DLGAP2: variants seen among roughly 807,000 people sequenced by gnomAD.
The protein encoded by DLGAP2 is disks large-associated protein 2.
A neutral mutation model predicts 100.3 loss-of-function variants in DLGAP2; 26 were observed. That is an observed-to-expected ratio of 0.26 (90% CI 0.19 to 0.36). The LOEUF (loss-of-function observed/expected upper bound fraction) is 0.36. Ranked by LOEUF, DLGAP2 falls within the 10% of genes least tolerant of loss-of-function variation. DLGAP2 has a pLI of 1.00. For missense variants in DLGAP2, 1,858 were observed against 1,453.2 expected, an observed-to-expected ratio of 1.28 and a Z score of -4.53; for synonymous variants, 886 against 630.1, an observed-to-expected ratio of 1.41 and a Z score of -6.08.
chr8:1,545,564 T>C (rs757036673), intron 4 of DLGAP2, among the ~76,000 whole-genome samples: 6 of 152,164 alleles, frequency 3.9e-5, no homozygotes, highest in Non-Finnish European at 7.4e-5. Flanking sequence ...CAAAAAGAAA[T>C]TACCAGCCCC....
chr8:1,332,620 C>T (rs1236538338), intron 3 of DLGAP2, among the ~76,000 whole-genome samples: 2 of 152,208 alleles, frequency 1.3e-5, no homozygotes, highest in African/African-American at 4.8e-5. Context: ...CACTCACCCC[C>T]TCCAGGTCAC....
intron 2 of DLGAP2, among the ~76,000 whole-genome samples, chr8:1,056,230 G>A (rs1802879405): frequency 1.3e-5 from 2 of 152,168 alleles, no homozygotes; most frequent in Non-Finnish European, 2.9e-5. Context: ...GTGTTGTGTG[G>A]CATAGTTTTA....
intron 3 of DLGAP2, among the ~76,000 whole-genome samples, chr8:1,347,890 T>C (rs1381940765): frequency 6.7e-6 from 1 of 149,976 alleles, no homozygotes; most frequent in Non-Finnish European, 1.5e-5. Context: ...TGTGTGGAGG[T>C]TGAGTTCCCA....
At chr8:1,441,904 A>G (rs1797845306) in intron 3 of DLGAP2, among the ~76,000 whole-genome samples, 2 of 151,942 alleles carry the variant, frequency 1.3e-5, no homozygotes, top group East Asian at 1.9e-4. Flanking sequence ...TGTGGTCCAT[A>G]TACACTATGG....
At chr8:1,247,468 T>G (rs1798937568) in intron 2 of DLGAP2, among the ~76,000 whole-genome samples, 4 of 104,594 alleles carry the variant, frequency 3.8e-5, no homozygotes, top group African/African-American at 4.7e-5. Context: ...AGTGTGGGAG[T>G]GATGGTCCAT....
intron 2 of DLGAP2, among the ~76,000 whole-genome samples, chr8:1,245,723 G>T (rs1798888648): frequency 1.3e-5 from 2 of 152,210 alleles, no homozygotes; most frequent in Admixed American, 1.3e-4. Context: ...GAATCATATG[G>T]TGTGTGAATG....
chr8:1,440,806 G>T (rs1421121784), intron 3 of DLGAP2, among the ~76,000 whole-genome samples: 1 of 152,172 alleles, frequency 6.6e-6, no homozygotes, highest in Non-Finnish European at 1.5e-5. Context: ...AGCTTATGAG[G>T]ACAAATGGCT....
intron 3 of DLGAP2, among the ~76,000 whole-genome samples, chr8:1,412,467 A>C (rs6985688): frequency 0.29 from 43,649 of 152,166 alleles, 6,592 homozygotes; most frequent in African/African-American, 0.37. Context: ...TCACGAATTC[A>C]GTGCTGAAAT....
At chr8:1,457,307 A>G (rs1798343146) in intron 3 of DLGAP2, among the ~76,000 whole-genome samples, 2 of 152,036 alleles carry the variant, frequency 1.3e-5, no homozygotes, top group African/African-American at 4.8e-5. Context: ...AACCACAGAA[A>G]TGGTTGCAGA....
At chr8:1,516,680 A>AGAGTGAGTGACTGAGTGAAT (rs1800403540) in intron 4 of DLGAP2, among the ~76,000 whole-genome samples, 1 of 146,568 alleles carries the variant, frequency 6.8e-6, no homozygotes, top group Non-Finnish European at 1.5e-5. Flanking sequence ...ACTGAGTGAA[A>AGAGTGAGTGACTGAGTGAAT]GAGTGAGTGA....
At chr8:1,180,942 T>C (rs1291294113) in intron 2 of DLGAP2, among the ~76,000 whole-genome samples, 3 of 121,572 alleles carry the variant, frequency 2.5e-5, no homozygotes, top group Non-Finnish European at 5.1e-5. Context: ...ACACTTACTG[T>C]CGAGTGTGGG....
chr8:932,927 G>C (rs531635320), intron 2 of DLGAP2, among the ~76,000 whole-genome samples: 2 of 152,210 alleles, frequency 1.3e-5, no homozygotes, highest in South Asian at 2.1e-4. Context: ...CTTTCCCCTC[G>C]ATCTTTCTGT....
chr8:1,560,411 T>C (rs1244786207), intron 5 of DLGAP2, among the ~76,000 whole-genome samples: 1 of 152,152 alleles, frequency 6.6e-6, no homozygotes, highest in East Asian at 1.9e-4. Flanking sequence ...ATAGTATTTT[T>C]GGTAGCTGGG....
At chr8:1,228,196 G>A (rs1241416008) in intron 2 of DLGAP2, among the ~76,000 whole-genome samples, 1 of 151,840 alleles carries the variant, frequency 6.6e-6, no homozygotes, top group Non-Finnish European at 1.5e-5. Flanking sequence ...CCTGCACGTT[G>A]TGCACATGTA....
At chr8:1,223,366 A>G (rs1435590014) in intron 2 of DLGAP2, among the ~76,000 whole-genome samples, 1 of 152,198 alleles carries the variant, frequency 6.6e-6, no homozygotes, top group Non-Finnish European at 1.5e-5. Flanking sequence ...GGAGCCAGCC[A>G]TCTTGGCTCT....
chr8:1,247,135 G>A (rs62489173), intron 2 of DLGAP2: 23 of 131,922 alleles, frequency 1.7e-4, no homozygotes, highest in Middle Eastern at 3.3e-3. Context: ...GATGGCCCAC[G>A]TCGGTGGCCG....
chr8:1,678,519 G>A lies in DLGAP2; in HGVS notation c.2594G>A (p.Arg865His), dbSNP rs762572308. 42 of 1,606,600 alleles carry A rather than the reference G, an allele frequency of 2.6e-5. 1 individual carries two copies. Among genetic ancestry groups the A allele is most frequent in the South Asian group, 2.4e-4 (22 of 89,856 alleles). ...GAGACTGGGAGGATGTCTCCGTGCC[G>A]CAGGGATGGCTCGTGGTTTTTGAAG... Reference protein sequence around the residue: ...TVETGRMSPCRRDGSWFLKLL... With the variant: ...TVETGRMSPCHRDGSWFLKLL... Residue 865 changes from arginine (R) to histidine (H), a missense_variant, in exon 12 of 15, where the codon CGC (arginine) becomes CAC (histidine). Arg to His is a conservative substitution (Grantham distance 29, BLOSUM62 0). Transcript: ENST00000637795.
Position 1,708,034 on chromosome 8 carries a change from T to A in DLGAP2, c.*6628T>A, listed in dbSNP as rs1666558898. 1 of 152,632 alleles carries A rather than the reference T, an allele frequency of 6.6e-6. No homozygotes were observed. The highest frequency in any genetic ancestry group is 1.5e-5 in the Non-Finnish European group (1 of 68,044). The allele number at this position is 152,632 out of a possible 1,614,324, so 9.5% of individuals were successfully genotyped here. On this transcript the variant is annotated 3_prime_UTR_variant, in exon 15 of 15. Coordinates refer to ENST00000637795, the MANE Select transcript of DLGAP2 (RefSeq NM_001346810.2). Reference sequence around the variant, plus strand: ...AATAACTTACCAGAATGTTGGTCATTCCTTTAAGGCAGTTAAGGATTGCTT... The same window carrying A: ...AATAACTTACCAGAATGTTGGTCATACCTTTAAGGCAGTTAAGGATTGCTT...
intron 2 of DLGAP2, among the ~76,000 whole-genome samples, chr8:1,163,859 C>T (rs1264463917): frequency 2.0e-5 from 3 of 152,160 alleles, no homozygotes; most frequent in Admixed American, 6.5e-5. Flanking sequence ...CTCAGCACTG[C>T]GGCTGCCGAC....
Sources: gnomAD v4.1 joint callset for allele counts (sites outside exome capture counted in the v4.1 genomes callset) on GRCh38, gnomAD v4.1.1 for gene constraint, MANE v1.5 for transcripts, NCBI Gene and HGNC (gene_info 2026-07-23, HGNC 2026-07-21) for gene names.